GAB2: variants seen among roughly 807,000 people sequenced by gnomAD.
The protein encoded by GAB2 is GRB2 associated binding protein 2, also known as GRB2-associated-binding protein 2.
A neutral mutation model predicts 65.5 loss-of-function variants in GAB2; 26 were observed. That is an observed-to-expected ratio of 0.40 (90% CI 0.29 to 0.55). GAB2 has a LOEUF of 0.55. Ranked by LOEUF, GAB2 falls within the 20% of genes least tolerant of loss-of-function variation. The pLI, the probability that GAB2 is intolerant of heterozygous loss-of-function variation, is 0.53. For missense variants in GAB2, 884 were observed against 875.8 expected (o/e 1.01, Z -0.12); for synonymous variants, 321 against 329.6 (o/e 0.97, Z 0.28).
intron 1 of GAB2, among the ~76,000 whole-genome samples, chr11:78,384,225 G>A (rs1035973848): frequency 6.6e-6 from 1 of 152,226 alleles, no homozygotes; most frequent in Admixed American, 6.5e-5. Context: ...TGAGAGAGCT[G>A]AAGGCAGATG....
intron 2 of GAB2, among the ~76,000 whole-genome samples, chr11:78,257,585 G>C (rs2510032): frequency 0.16 from 23,893 of 152,084 alleles, 2,409 homozygotes; most frequent in East Asian, 0.41. Context: ...CATGGAGCTG[G>C]TTGAGACCTT....
chr11:78,243,734 C>T (rs1489952124), intron 3 of GAB2, among the ~76,000 whole-genome samples: 1 of 151,866 alleles, frequency 6.6e-6, no homozygotes, highest in Non-Finnish European at 1.5e-5. Flanking sequence ...GTCCCAGCTA[C>T]TTGGGAGGCT....
At chr11:78,391,181 G>C (rs1202601818) in intron 1 of GAB2, among the ~76,000 whole-genome samples, 1 of 152,174 alleles carries the variant, frequency 6.6e-6, no homozygotes, top group East Asian at 1.9e-4. Context: ...TGTGGTCCCA[G>C]CTGTCCAGGA....
intron 1 of GAB2, among the ~76,000 whole-genome samples, chr11:78,361,508 A>G (rs1471061189): frequency 6.6e-6 from 1 of 151,562 alleles, no homozygotes. Flanking sequence ...CACAATTCCT[A>G]TTACAAAGGG....
intron 1 of GAB2, among the ~76,000 whole-genome samples, chr11:78,327,416 T>C (rs1022625679): frequency 6.6e-6 from 1 of 152,134 alleles, no homozygotes; most frequent in Non-Finnish European, 1.5e-5. Flanking sequence ...ATATCTGCAA[T>C]GAGCCTTAAA....
intron 1 of GAB2, among the ~76,000 whole-genome samples, chr11:78,375,001 A>G (rs1457690786): frequency 6.6e-6 from 1 of 152,200 alleles, no homozygotes; most frequent in East Asian, 1.9e-4. Flanking sequence ...TAAAGGGAAG[A>G]CCACAAACTG....
intron 1 of GAB2, among the ~76,000 whole-genome samples, chr11:78,290,582 T>A (rs2134604213): frequency 6.6e-6 from 1 of 152,320 alleles, no homozygotes; most frequent in South Asian, 2.1e-4. Flanking sequence ...GGCCACAATT[T>A]AGCTGTGCAA....
chr11:78,394,665 C>G (rs950471557), intron 1 of GAB2, among the ~76,000 whole-genome samples: 1 of 152,230 alleles, frequency 6.6e-6, no homozygotes. Flanking sequence ...AGCAGCACTG[C>G]TGTTACCCCA....
At chr11:78,231,430 C>T (rs1864852335) in intron 3 of GAB2, among the ~76,000 whole-genome samples, 1 of 151,896 alleles carries the variant, frequency 6.6e-6, no homozygotes, top group African/African-American at 2.4e-5. Context: ...CTCACTGCAA[C>T]CTCCGCCTCC....
At chr11:78,285,955 T>C (rs1177946476) in intron 1 of GAB2, among the ~76,000 whole-genome samples, 1 of 152,242 alleles carries the variant, frequency 6.6e-6, no homozygotes, top group Non-Finnish European at 1.5e-5. Context: ...GTTTTTGTAC[T>C]TGTCTCTTCC....
intron 1 of GAB2, among the ~76,000 whole-genome samples, chr11:78,288,553 A>T (rs149798896): frequency 1.8e-3 from 268 of 152,376 alleles, no homozygotes; most frequent in African/African-American, 6.2e-3. Context: ...ATGAATATGC[A>T]GGCATATAAA....
At chr11:78,267,838 A>G (rs1278781434) in intron 2 of GAB2, among the ~76,000 whole-genome samples, 5 of 139,556 alleles carry the variant, frequency 3.6e-5, no homozygotes, top group Non-Finnish European at 7.7e-5. Context: ...AGCCTGGGTG[A>G]TAGAGCGAGA....
chr11:78,242,862 C>A (rs1865179585), intron 3 of GAB2, among the ~76,000 whole-genome samples: 1 of 152,024 alleles, frequency 6.6e-6, no homozygotes, highest in Non-Finnish European at 1.5e-5. Context: ...GGGAAAAGAT[C>A]CAAATAAATA....
intron 2 of GAB2, among the ~76,000 whole-genome samples, chr11:78,253,025 T>G (rs1211099874): frequency 6.7e-6 from 1 of 149,048 alleles, no homozygotes; most frequent in Non-Finnish European, 1.5e-5. Flanking sequence ...TTTTTTTTTT[T>G]TGTGAGACAG....
chr11:78,322,979 A>G (rs1240045766), intron 1 of GAB2, among the ~76,000 whole-genome samples: 1 of 152,046 alleles, frequency 6.6e-6, no homozygotes, highest in Non-Finnish European at 1.5e-5. Flanking sequence ...TATATGTACA[A>G]AGGAAAATAA....
intron 1 of GAB2, among the ~76,000 whole-genome samples, chr11:78,400,579 TCTAC>T (rs1425284003): frequency 1.3e-5 from 2 of 152,158 alleles, no homozygotes. Flanking sequence ...ATTGTCCCTT[TCTAC>T]CTAGAGATAA....
intron 1 of GAB2, among the ~76,000 whole-genome samples, chr11:78,322,796 G>GT (rs1855750270): frequency 8.2e-6 from 1 of 121,932 alleles, no homozygotes. Context: ...TTACTGAAAA[G>GT]TAAAAAAAAA....
intron 1 of GAB2, among the ~76,000 whole-genome samples, chr11:78,389,301 T>C (rs1435871698): frequency 1.4e-5 from 2 of 146,982 alleles, no homozygotes; most frequent in East Asian, 2.3e-4. Flanking sequence ...CAGAAAAGCA[T>C]GTGGTTTTCC....
At chr11:78,327,317 A>G (rs1228049159) in intron 1 of GAB2, among the ~76,000 whole-genome samples, 1 of 152,192 alleles carries the variant, frequency 6.6e-6, no homozygotes, top group Non-Finnish European at 1.5e-5. Context: ...AGTCTAATCA[A>G]TGAACAGAAC....
Sources: gnomAD v4.1 joint callset for allele counts (sites outside exome capture counted in the v4.1 genomes callset) on GRCh38, gnomAD v4.1.1 for gene constraint, MANE v1.5 for transcripts, NCBI Gene and HGNC (gene_info 2026-07-23, HGNC 2026-07-21) for gene names.